Variants in GRM4 observed in about 807,000 individuals in gnomAD.
GRM4 encodes the protein glutamate metabotropic receptor 4, also known as metabotropic glutamate receptor 4.
GRM4 carries 28 observed loss-of-function variants against 81.7 expected under a neutral mutation model. That is an observed-to-expected ratio of 0.34 (90% CI 0.25 to 0.47). GRM4 has a LOEUF of 0.47. Ranked by LOEUF, GRM4 falls within the 20% of genes least tolerant of loss-of-function variation. The pLI, the probability that GRM4 is intolerant of heterozygous loss-of-function variation, is 1.00. For synonymous variants in GRM4, 488 were observed against 528.8 expected (o/e 0.92, Z 1.06); for missense variants, 948 against 1,290.0 (o/e 0.73, Z 4.06).
rs1471042098 is a variant in GRM4 at position 34,044,165 on chromosome 6, C to CAA, written c.1169-3418_1169-3417insTT. ...ATACATACACATATATACACATACA[C>CAA]ACACATATACATACATACACATATA... On this transcript the variant is annotated intron_variant, in intron 6 of 10. Transcript: ENST00000538487. Among the ~76,000 whole-genome samples the CAA allele has an allele frequency of 1.8e-4, 24 of 136,422 alleles. No individual in the cohort carries two copies. The South Asian group carries it at 4.3e-3, about 24-fold the overall frequency. The allele number at this position is 136,422 out of a possible 152,430, so 89.5% of individuals were successfully genotyped here. A position where few individuals can be genotyped will look rare whatever the true frequency, so the allele number is the denominator to read the frequency against.
rs139066802 is a variant in GRM4, at chr6:34,022,847, C to T, written c.2713G>A (p.Val905Ile). The change falls in exon 11 of 11, where the codon GTC becomes ATC. Residue 905 changes from valine to isoleucine, a missense_variant. Physicochemically the swap from Val to Ile is conservative, Grantham distance 29 (BLOSUM62 3). Coordinates refer to ENST00000538487, the MANE Select transcript of GRM4 (RefSeq NM_000841.4). The surrounding 1 kb of genome is among the most constrained non-coding windows in gnomAD (Gnocchi z 5.6). ...TAGATTGCATGGTTGGTGTAAGTGA[C>T]GTAAGTCTGTTTGGTGGCCAGCGCT... ...APALATKQTY[V>I]TYTNHAI The T allele has an allele frequency of 4.8e-5, 77 of 1,613,932 alleles. No homozygotes were observed. The African/African-American group carries it at 6.9e-4, about 15-fold the overall frequency.
In GRM4 at chr6:34,097,093, C is replaced by T. The variant is rs1177450089; in HGVS notation, c.520-4994G>A. The stretch of plus-strand genomic sequence containing the variant: ...CTGAGGGCTGGGGATGGACTATGAA[C>T]AACTGCCGTCAGCGGGCTCCAATCT... On this transcript the variant is annotated intron_variant, in intron 2 of 10. Transcript: ENST00000538487. Among the ~76,000 whole-genome samples, 3 of 152,182 alleles carry T rather than the reference C, an allele frequency of 2.0e-5. No homozygotes were observed. In the East Asian group the frequency reaches 5.8e-4, roughly 29 times the overall value.
chr6:34,153,168 G>T (rs1021902925), intron 1 of GRM4, among the ~76,000 whole-genome samples: 1 of 152,084 alleles, frequency 6.6e-6, no homozygotes, highest in Non-Finnish European at 1.5e-5. Flanking sequence ...AGGGCTCCCC[G>T]ACGCACACAC....
chr6:34,110,359 G>A (rs1025740373), intron 2 of GRM4, among the ~76,000 whole-genome samples: 1 of 134,442 alleles, frequency 7.4e-6, no homozygotes, highest in African/African-American at 2.8e-5. Context: ...CCCTCCCCAC[G>A]TTGAAGGAAA....
At chr6:34,125,607 C>T (rs927904522) in intron 2 of GRM4, among the ~76,000 whole-genome samples, 2 of 152,274 alleles carry the variant, frequency 1.3e-5, no homozygotes, top group Non-Finnish European at 2.9e-5. Context: ...TGGCCCCAAT[C>T]CACAGGGAAG....
intron 2 of GRM4, 63 bp downstream of exon 2, chr6:34,132,915 G>T: frequency 7.2e-7 from 1 of 1,398,052 alleles, no homozygotes; most frequent in Non-Finnish European, 9.8e-7. Context: ...CTGGCACCCT[G>T]AAGTGGGGCG....
intron 9 of GRM4, among the ~76,000 whole-genome samples, chr6:34,031,223 C>T (rs548746800): frequency 6.6e-6 from 1 of 152,354 alleles, no homozygotes; most frequent in East Asian, 1.9e-4. Context: ...CTCCCACCCA[C>T]CTGCCTCTTA....
rs568720517 is a variant in GRM4 at position 34,069,371 on chromosome 6, G to A, written c.737-7343C>T. Among the ~76,000 whole-genome samples the A allele has an allele frequency of 6.6e-6, 1 of 152,278 alleles. No individual in the cohort carries two copies. The highest frequency in any genetic ancestry group is 2.4e-5 in the African/African-American group (1 of 41,560). The stretch of plus-strand genomic sequence containing the variant: ...GCCTGAATGTAAATAATGGAGCCCA[G>A]GCAGCAGTGTTGTGGCCAGAGGGGG... On this transcript the variant is annotated intron_variant, in intron 3 of 10. Coordinates refer to ENST00000538487, the MANE Select transcript of GRM4 (RefSeq NM_000841.4). The surrounding 1 kb of genome is among the most constrained non-coding windows in gnomAD (Gnocchi z 6.4).
rs369988009 is a variant in GRM4 at position 34,036,084 on chromosome 6, G to A, written c.2026C>T (p.Arg676Cys). Residue 676 changes from arginine to cysteine, a missense_variant, in exon 9 of 11, where the codon CGC becomes TGC. By Grantham distance (180) the Arg-to-Cys change is radical. Transcript: ENST00000538487. This position sits in a 1 kb window ranked among gnomAD's most constrained non-coding sequence, Gnocchi z 9.0. ...CCCTGCTCGAAGATGCGGTAGATGCGGTTGGTCTTGGTGAGCAGGGCTGCA... is the reference window on the plus strand; with the variant it reads ...CCCTGCTCGAAGATGCGGTAGATGCAGTTGGTCTTGGTGAGCAGGGCTGCA... ...SYAALLTKTN[R>C]IYRIFEQGKR... 22 of 1,614,072 alleles carry A rather than the reference G, an allele frequency of 1.4e-5. No homozygotes were observed. The highest frequency in any genetic ancestry group is 5.0e-5 in the Admixed American group (3 of 59,996).
intron 3 of GRM4, among the ~76,000 whole-genome samples, chr6:34,087,931 T>C (rs1005834619): frequency 2.6e-5 from 4 of 151,722 alleles, no homozygotes; most frequent in Admixed American, 2.6e-4. Context: ...CCTGGGCTCC[T>C]GTAGTTTTGT....
rs1347676512 is a variant in GRM4, at chr6:34,078,101, C to CGGAT, written c.736+13781_736+13782insATCC. Among the ~76,000 whole-genome samples the CGGAT allele has an allele frequency of 6.6e-6, 1 of 152,174 alleles. No individual in the cohort carries two copies. The highest frequency in any genetic ancestry group is 6.5e-5 in the Admixed American group (1 of 15,278). On this transcript the variant is annotated intron_variant, in intron 3 of 10. Transcript: ENST00000538487. The surrounding 1 kb of genome is among the most constrained non-coding windows in gnomAD (Gnocchi z 4.8). ...AGCCTGCCCTCGTGGAGCTGACATC[C>CGGAT]ATCTATGAAGCCAACAATAGGGATG...
chr6:34,110,955 T>C (rs1040786877), intron 2 of GRM4: 3 of 836,128 alleles, frequency 3.6e-6, no homozygotes, highest in Non-Finnish European at 4.7e-6. Context: ...GGGAACGCTG[T>C]GCCCCACAGA....
rs146110996 is a variant in GRM4 at position 34,031,743 on chromosome 6, A to G, written c.2443-3377T>C. ...TGGAAATCCGGGCTAAGGCTGGGAA[A>G]TCCAGCCGCCTGCTCACCAGAGTGG... On this transcript the variant is annotated intron_variant, in intron 9 of 10. Coordinates refer to ENST00000538487, the MANE Select transcript of GRM4 (RefSeq NM_000841.4). Among the ~76,000 whole-genome samples, 741 of 152,324 alleles carry G rather than the reference A, an allele frequency of 4.9e-3. 4 individuals carry two copies. The highest frequency in any genetic ancestry group is 0.012 in the African/African-American group (517 of 41,556).
intron 3 of GRM4, among the ~76,000 whole-genome samples, chr6:34,085,267 C>T (rs1767825598): frequency 6.6e-6 from 1 of 152,202 alleles, no homozygotes; most frequent in Non-Finnish European, 1.5e-5. Flanking sequence ...TCTTTCCCTT[C>T]CTGTCCCCCA....
chr6:34,112,720 A>T (rs1489824659), intron 2 of GRM4, among the ~76,000 whole-genome samples: 1 of 151,622 alleles, frequency 6.6e-6, no homozygotes, highest in African/African-American at 2.4e-5. Context: ...TGAAAACAGG[A>T]CTCAGCCCCC....
intron 2 of GRM4, among the ~76,000 whole-genome samples, chr6:34,098,584 AC>A (rs1385571737): frequency 6.6e-6 from 1 of 152,232 alleles, no homozygotes; most frequent in African/African-American, 2.4e-5. Flanking sequence ...GGGACCCTGC[AC>A]GGGGCCAGCA....
rs1764680442 is a variant in GRM4 at position 34,035,934 on chromosome 6, C to T, written c.2176G>A (p.Val726Met). 2 of 1,610,488 alleles carry T rather than the reference C, an allele frequency of 1.2e-6. No homozygotes were observed. The change falls in exon 9 of 11, where the codon GTG (valine) becomes ATG (methionine). Residue 726 changes from valine (V) to methionine (M), a missense_variant. By Grantham distance (21) the Val-to-Met change is conservative. Transcript: ENST00000538487. This position sits in a 1 kb window ranked among gnomAD's most constrained non-coding sequence, Gnocchi z 6.6. ...VWFVVDPSHS[V>M]VDFQDQRTLD... ...GTCCGCTGGTCCTGGAAGTCCACCA[C>T]CGAGTGGGAGGGGTCCACCACAAAC...
chr6:34,056,255 A>G (rs1451976994), intron 6 of GRM4: 3 of 401,314 alleles, frequency 7.5e-6, no homozygotes, highest in African/African-American at 6.1e-5. Flanking sequence ...AGGAGGGGTC[A>G]GTTCAGTGCT....
At position 34,022,766 on chromosome 6, in the gene GRM4, C is replaced by T; in HGVS notation, c.*55G>A. The stretch of plus-strand genomic sequence containing the variant: ...GCCCTTGGGTGTGGCCCTGGCCCGA[C>T]GCACCTTCCACAGGGTCACGGCTCC... On this transcript the variant is annotated 3_prime_UTR_variant, in exon 11 of 11. Coordinates refer to ENST00000538487, the MANE Select transcript of GRM4 (RefSeq NM_000841.4). The surrounding 1 kb of genome is among the most constrained non-coding windows in gnomAD (Gnocchi z 5.6). 3 of 1,506,788 alleles carry T rather than the reference C, an allele frequency of 2.0e-6. No individual in the cohort carries two copies. Among genetic ancestry groups the T allele is most frequent in the Non-Finnish European group, 2.8e-6 (3 of 1,082,632 alleles). 93.3% of individuals were successfully genotyped at this position (1,506,788 alleles called of 1,614,324 possible). A position where few individuals can be genotyped will look rare whatever the true frequency, so the allele number is the denominator to read the frequency against.
Sources: gnomAD v4.1 joint callset for allele counts (sites outside exome capture counted in the v4.1 genomes callset) on GRCh38, gnomAD v4.1.1 for gene constraint, Gnocchi (gnomAD v3.1) non-coding constraint, MANE v1.5 for transcripts, NCBI Gene and HGNC (gene_info 2026-07-23, HGNC 2026-07-21) for gene names.